The following CD53 variants were observed in gnomAD, a reference collection of about 807,000 sequenced individuals.
The protein encoded by CD53 is leukocyte surface antigen CD53.
In CD53, 20 loss-of-function variants were observed where a neutral mutation model predicts 27.3. The ratio of observed to expected loss-of-function variants is 0.73; its 90% CI spans 0.52 to 1.07. CD53 has a LOEUF of 1.07. Ranked by LOEUF, CD53 falls within the 50% of genes least tolerant of loss-of-function variation. The probability of loss-of-function intolerance (pLI) is 0.00; values close to 1 mark genes in which losing one functional copy is unlikely to be tolerated. For missense variants in CD53, 216 were observed against 264.0 expected (o/e 0.82, Z 1.26); for synonymous variants, 106 against 105.3 (o/e 1.01, Z -0.04).
intron 1 of CD53, among the ~76,000 whole-genome samples, chr1:110,878,010 C>T (rs905407410): frequency 1.3e-5 from 2 of 152,158 alleles, no homozygotes; most frequent in Non-Finnish European, 1.5e-5. Flanking sequence ...GAGCCTGGGA[C>T]GGTGGAAAGA....
At chr1:110,892,229 A>G (rs1656881918) in intron 2 of CD53, 116 bp from the exon 3 acceptor site, 1 of 804,482 alleles carries the variant, frequency 1.2e-6, no homozygotes, top group Non-Finnish European at 2.2e-6. Flanking sequence ...TGTTCATGAG[A>G]CTCTTGATTG....
At chr1:110,897,964 A>G (rs1657134373) in intron 7 of CD53, 72 bp downstream of exon 7, 3 of 793,570 alleles carry the variant, frequency 3.8e-6, no homozygotes, top group Non-Finnish European at 6.4e-6. Flanking sequence ...GAATAATACC[A>G]GGTACACAGT....
At chr1:110,897,178 G>A (rs771917911) in intron 6 of CD53, among the ~76,000 whole-genome samples, 3 of 152,208 alleles carry the variant, frequency 2.0e-5, no homozygotes, top group Non-Finnish European at 4.4e-5. Context: ...GTAAGGAGTT[G>A]AGGGAGACAG....
At chr1:110,878,531 C>G (rs1024969323) in intron 1 of CD53, among the ~76,000 whole-genome samples, 6 of 152,044 alleles carry the variant, frequency 3.9e-5, no homozygotes, top group Admixed American at 3.9e-4. Context: ...ATGCTTTCTT[C>G]TTTATACTTT....
chr1:110,874,641 T>G (rs1656058348), intron 1 of CD53, among the ~76,000 whole-genome samples: 2 of 152,232 alleles, frequency 1.3e-5, no homozygotes, highest in African/African-American at 4.8e-5. Flanking sequence ...CCTGTGATGT[T>G]TCCTGTGTGG....
At chr1:110,872,901 A>G (rs985658859), upstream of CD53, among the ~76,000 whole-genome samples, 3 of 152,180 alleles carry the variant, frequency 2.0e-5, no homozygotes, top group African/African-American at 7.2e-5. Context: ...TCATTGCCAA[A>G]TTACCCTAGA....
intron 1 of CD53, among the ~76,000 whole-genome samples, chr1:110,879,619 G>A (rs562496512): frequency 2.6e-4 from 39 of 152,142 alleles, no homozygotes; most frequent in African/African-American, 8.2e-4. Flanking sequence ...TATCTCATAA[G>A]CGTAATGGTC....
chr1:110,878,855 T>C (rs138883977), intron 1 of CD53, among the ~76,000 whole-genome samples: 3 of 152,330 alleles, frequency 2.0e-5, no homozygotes, highest in African/African-American at 7.2e-5. Flanking sequence ...AATCTTAGCA[T>C]ACAAAGGTGT....
intron 1 of CD53, among the ~76,000 whole-genome samples, chr1:110,877,982 G>A (rs921810992): frequency 6.6e-6 from 1 of 152,220 alleles, no homozygotes; most frequent in African/African-American, 2.4e-5. Context: ...GAGTTGGGAA[G>A]TAATAGGCAC....
chr1:110,884,068 T>A lies in CD53; in HGVS notation c.-17-7324T>A, dbSNP rs572077246. On this transcript the variant is annotated intron_variant, in intron 1 of 7. Coordinates refer to ENST00000271324, the MANE Select transcript of CD53 (RefSeq NM_000560.4). ...TCCTTCTGCTTATTTTGGGTTTAGT[T>A]TGTTATACTTTTTCTAGTTTCTCAA... Among the ~76,000 whole-genome samples the A allele has an allele frequency of 3.3e-5, 5 of 152,140 alleles. No individual in the cohort carries two copies. The East Asian group carries it at 9.6e-4, about 29-fold the overall frequency.
rs981965954 is a variant in CD53 at position 110,879,563 on chromosome 1, GT to G, written c.-18+6324del. ...ATATAACAGGTTTTTCTCTTACACT[GT>G]TTTTTTTTCTTTATCTTGGCTTTTG... On this transcript the variant is annotated intron_variant, in intron 1 of 7. Transcript: ENST00000271324. 4.0e-5 allele frequency among the ~76,000 whole-genome samples: 6 copies of G among 150,974 alleles called. No individual in the cohort carries two copies. The East Asian group carries it at 9.7e-4, about 24-fold the overall frequency.
At chr1:110,886,871 T>TATATATATATATATATATATATATA (rs1243346959) in intron 1 of CD53, among the ~76,000 whole-genome samples, 2 of 76,052 alleles carry the variant, frequency 2.6e-5, no homozygotes, top group East Asian at 3.5e-4. Context: ...ATATATATAT[T>TATATATATATATATATATATATATA]TTTTTTTTCT....
In CD53 at chr1:110,897,838, T is replaced by C; in HGVS notation, c.534T>C (p.Phe178=). 6.2e-7 allele frequency: 1 copy of C among 1,612,560 alleles called. No homozygotes were observed. Among genetic ancestry groups the C allele is most frequent in the Non-Finnish European group, 8.5e-7 (1 of 1,178,728 alleles). The change falls in exon 7 of 8, where the codon TTT becomes TTC. Residue 178 remains phenylalanine, a synonymous_variant. Transcript: ENST00000271324. The part of the protein sequence containing the change: ...EGCYAKARLW[F]HSNFLYIGII... Reference sequence around the variant, plus strand: ...GCTATGCGAAAGCAAGACTGTGGTTTCATTCCAATTTCCTGTATATCGGAA... The same window carrying C: ...GCTATGCGAAAGCAAGACTGTGGTTCCATTCCAATTTCCTGTATATCGGAA...
intron 1 of CD53, among the ~76,000 whole-genome samples, chr1:110,881,774 T>C (rs1355119207): frequency 6.6e-6 from 1 of 152,200 alleles, no homozygotes; most frequent in African/African-American, 2.4e-5. Context: ...ACACTTGGTG[T>C]GGTCAGGTTT....
intron 6 of CD53, 68 bp downstream of exon 6, chr1:110,896,801 C>G (rs1238175159): frequency 1.5e-6 from 2 of 1,368,858 alleles, no homozygotes; most frequent in Non-Finnish European, 2.1e-6. Flanking sequence ...TCGGAAACTG[C>G]AGTCATAGAG....
chr1:110,885,046 T>C (rs1366920000), intron 1 of CD53, among the ~76,000 whole-genome samples: 1 of 152,176 alleles, frequency 6.6e-6, no homozygotes, highest in African/African-American at 2.4e-5. Context: ...CCCTTTTCTC[T>C]TTTTCTGGCT....
chr1:110,874,077 A>G (rs1211920834), intron 1 of CD53, among the ~76,000 whole-genome samples: 1 of 152,232 alleles, frequency 6.6e-6, no homozygotes, highest in African/African-American at 2.4e-5. Flanking sequence ...TGTGACCACC[A>G]TCGGAAACTC....
intron 5 of CD53, among the ~76,000 whole-genome samples, chr1:110,895,612 G>T (rs1254659251): frequency 6.6e-6 from 1 of 152,210 alleles, no homozygotes. Flanking sequence ...GCTTAGTGTG[G>T]AGTAGAAGAA....
intron 3 of CD53, chr1:110,892,994 A>C: frequency 5.9e-6 from 1 of 170,734 alleles, no homozygotes; most frequent in Non-Finnish European, 1.3e-5. Flanking sequence ...TGCACAAGAT[A>C]CTCCGTAGAG....
Sources: gnomAD v4.1 joint callset for allele counts (sites outside exome capture counted in the v4.1 genomes callset) on GRCh38, gnomAD v4.1.1 for gene constraint, MANE v1.5 for transcripts, NCBI Gene and HGNC (gene_info 2026-07-23, HGNC 2026-07-21) for gene names.